The following NEXMIF variants were observed in gnomAD, a reference collection of about 807,000 sequenced individuals.
The protein encoded by NEXMIF is XLMR protein related to neurite extension.
NEXMIF carries 8 observed loss-of-function variants against 62.1 expected under a neutral mutation model. That is an observed-to-expected ratio of 0.13 (90% CI 0.08 to 0.23). NEXMIF has a LOEUF of 0.23. Ranked by LOEUF, NEXMIF falls within the 10% of genes least tolerant of loss-of-function variation. The probability of loss-of-function intolerance (pLI) is 1.00; values close to 1 mark genes in which losing one functional copy is unlikely to be tolerated. For missense variants in NEXMIF, 976 were observed against 1,113.3 expected (o/e 0.88, Z 1.75); for synonymous variants, 404 against 416.6 (o/e 0.97, Z 0.37).
At chrX:74,750,621 G>C (rs2080139084) in intron 1 of NEXMIF, among the ~76,000 whole-genome samples, 1 of 111,863 alleles carries the variant, frequency 8.9e-6, no homozygotes, top group African/African-American at 3.2e-5. Context: ...ATTCTTCCCA[G>C]TCTAGCTTTA....
chrX:74,847,617 T>C (rs1177573966), intron 1 of NEXMIF, among the ~76,000 whole-genome samples: 1 of 111,766 alleles, frequency 8.9e-6, no homozygotes, highest in Non-Finnish European at 1.9e-5. Flanking sequence ...AATTTTCATA[T>C]GTAACTACTG....
intron 1 of NEXMIF, among the ~76,000 whole-genome samples, chrX:74,755,146 A>C (rs776107247): frequency 8.9e-6 from 1 of 112,808 alleles, no homozygotes. Context: ...TCTGGGGCTT[A>C]CTTGAGCACT....
chrX:74,864,199 A>G (rs979164769), intron 1 of NEXMIF, among the ~76,000 whole-genome samples: 1 of 112,198 alleles, frequency 8.9e-6, no homozygotes, highest in Non-Finnish European at 1.9e-5. Flanking sequence ...CATCACTCCT[A>G]CTCAATATCG....
chrX:74,844,515 A>G (rs1327438178), intron 1 of NEXMIF, among the ~76,000 whole-genome samples: 1 of 111,423 alleles, frequency 9.0e-6, no homozygotes, highest in Admixed American at 9.6e-5. Context: ...AAGAAAAAAG[A>G]ACAGTTGTTT....
intron 1 of NEXMIF, among the ~76,000 whole-genome samples, chrX:74,846,714 A>G (rs2080492936): frequency 8.9e-6 from 1 of 112,479 alleles, no homozygotes. Context: ...CTACATGAGC[A>G]GGTTATAAAT....
chrX:74,786,379 C>T (rs777992503), intron 1 of NEXMIF, among the ~76,000 whole-genome samples: 23 of 111,293 alleles, frequency 2.1e-4, no homozygotes, highest in Admixed American at 2.0e-3. Context: ...GGAAAAAACC[C>T]TTGATAAAGT....
intron 1 of NEXMIF, among the ~76,000 whole-genome samples, chrX:74,878,329 G>A (rs2080647004): frequency 8.9e-6 from 1 of 112,122 alleles, no homozygotes; most frequent in Non-Finnish European, 1.9e-5. Context: ...ACCCACTTGA[G>A]GAGGCAGTCT....
intron 1 of NEXMIF, among the ~76,000 whole-genome samples, chrX:74,873,428 G>A (rs1353466092): frequency 8.9e-6 from 1 of 111,832 alleles, no homozygotes; most frequent in Non-Finnish European, 1.9e-5. Flanking sequence ...CTTTGCTATT[G>A]TGAATAATGC....
chrX:74,842,022 C>A (rs2080475666), intron 1 of NEXMIF, among the ~76,000 whole-genome samples: 1 of 111,674 alleles, frequency 9.0e-6, no homozygotes, highest in South Asian at 3.8e-4. Flanking sequence ...GATCTTCCTC[C>A]TCAACTTTTT....
chrX:74,864,113 C>T lies in NEXMIF; in HGVS notation c.-48+60770G>A, dbSNP rs188481580. Among the ~76,000 whole-genome samples the T allele has an allele frequency of 1.3e-4, 14 of 111,811 alleles. No individual in the cohort carries two copies. In the East Asian group the frequency reaches 3.7e-3, roughly 29 times the overall value. On this transcript the variant is annotated intron_variant, in intron 1 of 3. Transcript: ENST00000055682. ...AACTAGGTATTGAAAGGATATACAT[C>T]AATATAATAAGAGCAATTCATGAAA...
At chrX:74,907,674 C>A (rs949112286) in intron 1 of NEXMIF, among the ~76,000 whole-genome samples, 1 of 111,152 alleles carries the variant, frequency 9.0e-6, no homozygotes, top group Non-Finnish European at 1.9e-5. Context: ...GTTTGTGAGG[C>A]CAAATGAAAT....
chrX:74,834,324 A>G (rs1396978717), intron 1 of NEXMIF, among the ~76,000 whole-genome samples: 1 of 110,969 alleles, frequency 9.0e-6, no homozygotes, highest in Non-Finnish European at 1.9e-5. Flanking sequence ...TCTACTTATG[A>G]TAAGGGTAGT....
Position 74,838,575 on chromosome X carries a change from G to A in NEXMIF, c.-48+86308C>T, listed in dbSNP as rs988420296. On this transcript the variant is annotated intron_variant, in intron 1 of 3. Coordinates refer to ENST00000055682, the MANE Select transcript of NEXMIF (RefSeq NM_001008537.3). ...TGCCAATGGGCTTTTCCTTGAATGA[G>A]TGCTATTAACAACATATGGTAACAA... is the stretch of plus-strand genomic sequence containing the variant. Among the ~76,000 whole-genome samples the A allele has an allele frequency of 3.6e-5, 4 of 112,404 alleles. No individual in the cohort carries two copies. The Admixed American group carries it at 3.8e-4, about 11-fold the overall frequency.
chrX:74,917,084 T>G (rs2080809607), intron 1 of NEXMIF, among the ~76,000 whole-genome samples: 1 of 111,875 alleles, frequency 8.9e-6, no homozygotes, highest in East Asian at 2.8e-4. Flanking sequence ...TGAATACCAC[T>G]TGATATGGTT....
At chrX:74,895,956 T>C (rs1300808956) in intron 1 of NEXMIF, among the ~76,000 whole-genome samples, 1 of 110,951 alleles carries the variant, frequency 9.0e-6, no homozygotes. Flanking sequence ...TCTGCTCAAT[T>C]CATATTCCTC....
intron 1 of NEXMIF, among the ~76,000 whole-genome samples, chrX:74,790,756 C>A (rs2080278939): frequency 8.8e-6 from 1 of 113,365 alleles, no homozygotes; most frequent in South Asian, 3.5e-4. Context: ...TGGGAGTTCA[C>A]TCCTGATTTG....
At chrX:74,876,058 G>C (rs2080631322) in intron 1 of NEXMIF, among the ~76,000 whole-genome samples, 1 of 110,868 alleles carries the variant, frequency 9.0e-6, no homozygotes, top group Non-Finnish European at 1.9e-5. Flanking sequence ...GTTTGCTCTT[G>C]CTTTTCTAGT....
Position 74,849,502 on chromosome X carries a change from C to G in NEXMIF, c.-48+75381G>C, listed in dbSNP as rs141629549. 3.4e-3 allele frequency among the ~76,000 whole-genome samples: 381 copies of G among 111,861 alleles called. 2 individuals are homozygous for G. The highest frequency in any genetic ancestry group is 0.012 in the African/African-American group (364 of 30,766). ...GATGGCATGCTCCAGAGAGGGAGAT[C>G]ACACTGAGACCCACACACCCTCCAA... On this transcript the variant is annotated intron_variant, in intron 1 of 3. Transcript: ENST00000055682.
intron 1 of NEXMIF, among the ~76,000 whole-genome samples, chrX:74,832,288 T>C (rs1418219766): frequency 8.9e-6 from 1 of 111,876 alleles, no homozygotes; most frequent in Non-Finnish European, 1.9e-5. Flanking sequence ...TACTTGTAAT[T>C]GGTCTGTTCA....
Sources: gnomAD v4.1 joint callset for allele counts (sites outside exome capture counted in the v4.1 genomes callset) on GRCh38, gnomAD v4.1.1 for gene constraint, MANE v1.5 for transcripts, NCBI Gene and HGNC (gene_info 2026-07-23, HGNC 2026-07-21) for gene names.